The following GRM3 variants were observed in gnomAD, a reference collection of about 807,000 sequenced individuals.
GRM3 encodes metabotropic glutamate receptor 3.
A neutral mutation model predicts 70.5 loss-of-function variants in GRM3; 26 were observed. That is an observed-to-expected ratio of 0.37 (90% CI 0.27 to 0.51). GRM3 has a LOEUF of 0.51. Ranked by LOEUF, GRM3 falls within the 20% of genes least tolerant of loss-of-function variation. The pLI is 0.93. For missense variants in GRM3, 859 were observed against 1,123.8 expected (o/e 0.76, Z 3.37); for synonymous variants, 443 against 434.9 (o/e 1.02, Z -0.23).
chr7:86,820,764 T>C (rs573281867), intron 3 of GRM3, among the ~76,000 whole-genome samples: 1 of 152,286 alleles, frequency 6.6e-6, no homozygotes, highest in South Asian at 2.1e-4. Context: ...ATCAAAAATC[T>C]TTTATGTTCC....
rs114676902 is a variant in GRM3 at position 86,679,368 on chromosome 7, G to A, written c.-141+34496G>A. On this transcript the variant is annotated intron_variant, in intron 1 of 5. Transcript: ENST00000361669. ...AAAAGGAGTAAGTTTGACAAATACA[G>A]GAAGAAGAAACCACCTTGTTAGCAT... Among the ~76,000 whole-genome samples, 837 of 152,054 alleles carry A rather than the reference G, an allele frequency of 5.5e-3. 8 individuals are homozygous for A. The highest frequency in any genetic ancestry group is 0.019 in the African/African-American group (793 of 41,506).
chr7:86,759,440 C>A (rs1212730977), intron 1 of GRM3, among the ~76,000 whole-genome samples: 2 of 152,004 alleles, frequency 1.3e-5, no homozygotes, highest in Non-Finnish European at 2.9e-5. Context: ...ATGAAATTTC[C>A]AAATTATTTT....
chr7:86,812,336 T>C (rs1288671039), intron 3 of GRM3, among the ~76,000 whole-genome samples: 1 of 151,888 alleles, frequency 6.6e-6, no homozygotes, highest in East Asian at 1.9e-4. Context: ...GATTGCCTGA[T>C]ACAGTGTGGG....
chr7:86,720,228 C>G (rs951383654), intron 1 of GRM3, among the ~76,000 whole-genome samples: 1 of 151,836 alleles, frequency 6.6e-6, no homozygotes, highest in Admixed American at 6.6e-5. Flanking sequence ...GAGGCTTTTA[C>G]GATAATTCCA....
intron 1 of GRM3, among the ~76,000 whole-genome samples, chr7:86,758,536 A>G (rs74686242): frequency 0.01 from 1,580 of 152,276 alleles, 26 homozygotes; most frequent in African/African-American, 0.036. Context: ...GTGCACACAT[A>G]CCATGAAAAT....
intron 3 of GRM3, among the ~76,000 whole-genome samples, chr7:86,791,643 G>T (rs1406294152): frequency 6.6e-6 from 1 of 152,200 alleles, no homozygotes; most frequent in African/African-American, 2.4e-5. Flanking sequence ...CTGGGAAATT[G>T]ATGTATTTGA....
At chr7:86,728,857 A>G (rs1795654077) in intron 1 of GRM3, among the ~76,000 whole-genome samples, 1 of 152,190 alleles carries the variant, frequency 6.6e-6, no homozygotes, top group South Asian at 2.1e-4. Context: ...ATACACAATG[A>G]TTGTTACAGG....
chr7:86,790,155 T>G (rs915360214), intron 3 of GRM3, among the ~76,000 whole-genome samples: 1 of 151,274 alleles, frequency 6.6e-6, no homozygotes, highest in African/African-American at 2.4e-5. Context: ...CTGCCTTATC[T>G]GGCATCTTCA....
chr7:86,850,260 G>A, intron 4 of GRM3, 110 bp from the exon 5 acceptor site: 1 of 689,142 alleles, frequency 1.5e-6, no homozygotes, highest in African/African-American at 1.8e-5. Flanking sequence ...TAAGGACAGA[G>A]CTGTCAATTA....
chr7:86,727,082 TTAAA>T (rs776967440), intron 1 of GRM3, among the ~76,000 whole-genome samples: 43 of 152,152 alleles, frequency 2.8e-4, no homozygotes, highest in Admixed American at 2.0e-4. Flanking sequence ...CCTAGGGAAA[TTAAA>T]TAAAATGGGC....
chr7:86,678,688 T>C (rs1240582240), intron 1 of GRM3, among the ~76,000 whole-genome samples: 1 of 152,090 alleles, frequency 6.6e-6, no homozygotes, highest in Non-Finnish European at 1.5e-5. Context: ...CAAGTACGTA[T>C]CCAGTTTTCC....
At chr7:86,794,310 A>G (rs1797496879) in intron 3 of GRM3, among the ~76,000 whole-genome samples, 1 of 152,188 alleles carries the variant, frequency 6.6e-6, no homozygotes, top group Non-Finnish European at 1.5e-5. Context: ...AACTATTTTC[A>G]GTAGGTTCAG....
chr7:86,685,180 T>C (rs1436068197), intron 1 of GRM3, among the ~76,000 whole-genome samples: 1 of 152,194 alleles, frequency 6.6e-6, no homozygotes, highest in Non-Finnish European at 1.5e-5. Flanking sequence ...TAAAGATGTA[T>C]TGAATTATCT....
chr7:86,788,923 G>A (rs898198591), intron 3 of GRM3, among the ~76,000 whole-genome samples: 3 of 152,088 alleles, frequency 2.0e-5, no homozygotes, highest in Non-Finnish European at 2.9e-5. Flanking sequence ...TAAAATGAAC[G>A]CTTAGAATTC....
chr7:86,644,984 C>G (rs1365856933), intron 1 of GRM3, 112 bp downstream of exon 1: 2 of 446,074 alleles, frequency 4.5e-6, no homozygotes, highest in African/African-American at 4.1e-5. Flanking sequence ...AGAGCATGGA[C>G]CAGTCCCTAC....
rs116836900 is a variant in GRM3, at chr7:86,686,180, G to A, written c.-141+41308G>A. On this transcript the variant is annotated intron_variant, in intron 1 of 5. Transcript: ENST00000361669. ...ATGAAAATAAGCAGCAAATTAAGCG[G>A]CTATGATCCTAAAGGAAGACATATG... is the stretch of plus-strand genomic sequence containing the variant. Among the ~76,000 whole-genome samples, 1,377 of 152,244 alleles carry A rather than the reference G, an allele frequency of 9.0e-3. 16 individuals are homozygous for A. The highest frequency in any genetic ancestry group is 0.032 in the African/African-American group (1,312 of 41,540).
intron 1 of GRM3, among the ~76,000 whole-genome samples, chr7:86,712,461 CA>C (rs141212096): frequency 0.013 from 2,042 of 152,088 alleles, 35 homozygotes; most frequent in African/African-American, 0.046. Context: ...TCATATACAT[CA>C]CCTTGAATAT....
At chr7:86,730,046 G>A (rs918962678) in intron 1 of GRM3, among the ~76,000 whole-genome samples, 1 of 152,044 alleles carries the variant, frequency 6.6e-6, no homozygotes, top group African/African-American at 2.4e-5. Flanking sequence ...GGCGGAGGTT[G>A]CAGTGAGCCG....
intron 3 of GRM3, among the ~76,000 whole-genome samples, chr7:86,812,187 G>C (rs1159071161): frequency 6.6e-6 from 1 of 151,790 alleles, no homozygotes; most frequent in Non-Finnish European, 1.5e-5. Flanking sequence ...TGTTAAAACT[G>C]CAAGTAGGAA....
Sources: gnomAD v4.1 joint callset for allele counts (sites outside exome capture counted in the v4.1 genomes callset) on GRCh38, gnomAD v4.1.1 for gene constraint, MANE v1.5 for transcripts, NCBI Gene and HGNC (gene_info 2026-07-23, HGNC 2026-07-21) for gene names.